Variants in COL4A4 observed in about 807,000 individuals in gnomAD.
COL4A4 encodes collagen alpha-4(IV) chain.
Under a neutral mutation model 192.9 loss-of-function variants are expected in COL4A4, and 105 were observed. The ratio of observed to expected loss-of-function variants is 0.54; its 90% CI spans 0.46 to 0.64. The LOEUF is 0.64. Among genes scored for constraint, COL4A4 ranks in the 30% least tolerant of loss-of-function variants. The probability of loss-of-function intolerance (pLI) is 0.00; values close to 1 mark genes in which losing one functional copy is unlikely to be tolerated. For missense variants in COL4A4, 1,967 were observed against 2,169.3 expected, an observed-to-expected ratio of 0.91 and a Z score of 1.85; for synonymous variants, 762 against 769.9, an observed-to-expected ratio of 0.99 and a Z score of 0.17.
Position 227,056,037 on chromosome 2 carries a change from G to A in COL4A4, c.2624C>T (p.Pro875Leu). ...GGGACCATGTGCCCCAGGCCGTCCT[G>A]GGAGTCCGGGGAGGCCTTTCATTCC... is the stretch of plus-strand genomic sequence containing the variant. ...PAGMKGLPGL[P>L]GRPGAHGPPG... The change falls in exon 30 of 48, where the codon CCA (proline) becomes CTA (leucine). Residue 875 changes from proline (P) to leucine (L), a missense_variant. Coordinates refer to ENST00000396625, the MANE Select transcript of COL4A4 (RefSeq NM_000092.5). The A allele has an allele frequency of 6.2e-7, 1 of 1,613,982 alleles. No individual in the cohort carries two copies. The highest frequency in any genetic ancestry group is 2.2e-5 in the East Asian group (1 of 44,864).
chr2:227,081,593 G>A (rs774767888), intron 23 of COL4A4, among the ~76,000 whole-genome samples: 7 of 152,292 alleles, frequency 4.6e-5, no homozygotes, highest in Non-Finnish European at 8.8e-5. Flanking sequence ...ACAGCCTGTA[G>A]TGGGGTTTCA....
chr2:227,028,263 TCCTATAACCCTAAACTTCCTC>T (rs1322853087), intron 41 of COL4A4, among the ~76,000 whole-genome samples: 2 of 151,944 alleles, frequency 1.3e-5, no homozygotes, highest in African/African-American at 4.8e-5. Flanking sequence ...TGAAAAGAAG[TCCTATAACCCTAAACTTCCTC>T]TGGAGACAAA....
chr2:227,041,807 AG>A (rs1971132058), intron 37 of COL4A4, among the ~76,000 whole-genome samples: 1 of 23,706 alleles, frequency 4.2e-5, no homozygotes, highest in Non-Finnish European at 7.1e-5. Context: ...AAAGAAAGGA[AG>A]AAAGAAAGAA....
chr2:227,072,467 A>G (rs1410750730), intron 25 of COL4A4, among the ~76,000 whole-genome samples: 3 of 151,894 alleles, frequency 2.0e-5, no homozygotes, highest in Admixed American at 2.0e-4. Flanking sequence ...AATTCTACTT[A>G]GACACTGAGA....
chr2:227,011,867 G>A (rs927253150), intron 45 of COL4A4, among the ~76,000 whole-genome samples: 2 of 152,294 alleles, frequency 1.3e-5, no homozygotes, highest in East Asian at 1.9e-4. Context: ...CAGGCTGACC[G>A]TCCCTTCATG....
chr2:227,072,326 C>A (rs183502526), intron 25 of COL4A4, among the ~76,000 whole-genome samples: 136 of 151,898 alleles, frequency 9.0e-4, no homozygotes, highest in South Asian at 2.9e-3. Context: ...TTCCTGGAAA[C>A]ATAAAACCCT....
chr2:227,059,785 A>G (rs1253666087), intron 27 of COL4A4, among the ~76,000 whole-genome samples, 162 bp from the exon 28 acceptor site: 1 of 152,228 alleles, frequency 6.6e-6, no homozygotes, highest in Non-Finnish European at 1.5e-5. Context: ...CCTTTTGTAG[A>G]GAGAGAAACT....
intron 19 of COL4A4, among the ~76,000 whole-genome samples, chr2:227,095,657 G>A (rs901602587): frequency 6.6e-6 from 1 of 152,226 alleles, no homozygotes; most frequent in African/African-American, 2.4e-5. Flanking sequence ...TACTTTGGGA[G>A]GCCGAGGCAG....
the COL4A4 span, among the ~76,000 whole-genome samples, chr2:226,980,180 T>C: frequency 6.6e-6 from 1 of 152,186 alleles, no homozygotes; most frequent in Non-Finnish European, 1.5e-5. Flanking sequence ...AACACACCCA[T>C]GAGCTAGATT....
At position 227,102,982 on chromosome 2, in the gene COL4A4, T is replaced by C. The variant is rs570547126; in HGVS notation, c.871-134A>G. The C allele has an allele frequency of 4.4e-6, 5 of 1,124,368 alleles. No homozygotes were observed. The South Asian group carries it at 6.5e-5, about 15-fold the overall frequency. The allele number at this position is 1,124,368 out of a possible 1,614,324, so 69.6% of individuals were successfully genotyped here. ...TTGTCAGCAGCTTAAAGAAAACAAC[T>C]ACTTTAGAATAGAAGCTCTATAGTA... is the stretch of plus-strand genomic sequence containing the variant. On this transcript the variant is annotated intron_variant, in intron 14 of 47. Coordinates refer to ENST00000396625, the MANE Select transcript of COL4A4 (RefSeq NM_000092.5).
At chr2:227,022,415 G>A (rs1966183594) in intron 43 of COL4A4, 2 of 719,702 alleles carry the variant, frequency 2.8e-6, no homozygotes, top group Non-Finnish European at 5.3e-6. Context: ...CTGACCGAAT[G>A]AGTGAATGGA....
At chr2:227,097,871 A>G (rs1393779455) in intron 19 of COL4A4, among the ~76,000 whole-genome samples, 1 of 152,228 alleles carries the variant, frequency 6.6e-6, no homozygotes, top group African/African-American at 2.4e-5. Context: ...TAAATATAAC[A>G]AGAGACACAG....
At chr2:227,106,935 A>G (rs2060881488) in intron 12 of COL4A4, among the ~76,000 whole-genome samples, 1 of 152,224 alleles carries the variant, frequency 6.6e-6, no homozygotes, top group South Asian at 2.1e-4. Flanking sequence ...ATTTGAGATC[A>G]TTTGAATGGC....
chr2:227,086,703 A>C (rs1385112412), intron 22 of COL4A4, among the ~76,000 whole-genome samples: 1 of 152,222 alleles, frequency 6.6e-6, no homozygotes, highest in Non-Finnish European at 1.5e-5. Context: ...GTCCTCACTC[A>C]AAGATGTTAG....
intron 44 of COL4A4, among the ~76,000 whole-genome samples, chr2:227,017,899 C>T (rs1965249057): frequency 6.6e-6 from 1 of 152,034 alleles, no homozygotes; most frequent in African/African-American, 2.4e-5. Context: ...TATTTCATCA[C>T]CCAGGAATTA....
chr2:227,109,576 G>C, intron 9 of COL4A4: 1 of 510,760 alleles, frequency 2.0e-6, no homozygotes, highest in South Asian at 1.8e-5. Flanking sequence ...GTGAAACCCC[G>C]TCTCTACTAA....
intron 16 of COL4A4, 120 bp from the exon 17 acceptor site, chr2:227,101,677 TC>T: frequency 8.9e-7 from 1 of 1,121,210 alleles, no homozygotes; most frequent in Non-Finnish European, 1.3e-6. Flanking sequence ...TTAACACTGT[TC>T]ATCAGTTGCA....
chr2:226,984,254 T>C, the COL4A4 span, among the ~76,000 whole-genome samples: 8 of 152,242 alleles, frequency 5.3e-5, no homozygotes, highest in Non-Finnish European at 8.8e-5. Context: ...AACAAAATAC[T>C]ACCATGGACC....
intron 19 of COL4A4, among the ~76,000 whole-genome samples, chr2:227,094,738 G>A (rs967496317): frequency 6.6e-6 from 1 of 152,116 alleles, no homozygotes; most frequent in Non-Finnish European, 1.5e-5. Flanking sequence ...CTATGTAGAC[G>A]TGACAAATAG....
Sources: allele counts gnomAD v4.1 joint callset (sites outside exome capture counted in the v4.1 genomes callset), GRCh38; gene constraint gnomAD v4.1.1; transcripts MANE v1.5; gene names NCBI Gene and HGNC (gene_info 2026-07-23, HGNC 2026-07-21).